PSEN1: variants seen among roughly 807,000 people sequenced by gnomAD.
PSEN1 encodes presenilin 1.
In PSEN1, 15 loss-of-function variants were observed where a neutral mutation model predicts 53.5. The observed-to-expected ratio is 0.28, with a 90% CI of 0.19 to 0.43. The LOEUF is 0.43. Ranked by LOEUF, PSEN1 falls within the 20% of genes least tolerant of loss-of-function variation. The pLI is 1.00. For synonymous variants in PSEN1, 208 were observed against 209.8 expected (o/e 0.99, Z 0.08); for missense variants, 387 against 571.2 (o/e 0.68, Z 3.29).
chr14:73,151,809 T>A (rs1897231691), intron 3 of PSEN1, among the ~76,000 whole-genome samples: 2 of 148,774 alleles, frequency 1.3e-5, no homozygotes, highest in Admixed American at 6.8e-5. Flanking sequence ...GCTCAAGTGA[T>A]CCACATGTCT....
chr14:73,184,875 C>A (rs1256029039), intron 5 of PSEN1, among the ~76,000 whole-genome samples: 1 of 151,176 alleles, frequency 6.6e-6, no homozygotes, highest in Non-Finnish European at 1.5e-5. Context: ...CGGAGGGGCT[C>A]CTCACTTCTC....
chr14:73,213,884 A>G lies in PSEN1; in HGVS notation c.1129+1942A>G, dbSNP rs139953121. On this transcript the variant is annotated intron_variant, in intron 10 of 11. Transcript: ENST00000324501. ...TGCGAAGAAACTGGAATCCTCATAC[A>G]CTGCTGGTGGGAATGTAAAATAGTA... 2.3e-4 allele frequency among the ~76,000 whole-genome samples: 35 copies of G among 152,350 alleles called. 1 individual carries two copies. The highest frequency in any genetic ancestry group is 7.5e-4 in the African/African-American group (31 of 41,590).
At chr14:73,197,479 C>G (rs1899002625) in intron 7 of PSEN1, among the ~76,000 whole-genome samples, 1 of 152,174 alleles carries the variant, frequency 6.6e-6, no homozygotes, top group Non-Finnish European at 1.5e-5. Context: ...TTACTGCCCT[C>G]TTACTTCAAG....
chr14:73,157,900 T>A (rs747429980), intron 3 of PSEN1, among the ~76,000 whole-genome samples: 4 of 151,962 alleles, frequency 2.6e-5, no homozygotes, highest in Non-Finnish European at 5.9e-5. Context: ...ACATGAGGAT[T>A]GCTTGAACCC....
intron 5 of PSEN1, among the ~76,000 whole-genome samples, chr14:73,182,603 G>A (rs1898255176): frequency 6.6e-6 from 1 of 152,134 alleles, no homozygotes; most frequent in Non-Finnish European, 1.5e-5. Context: ...CAGCACTGTG[G>A]GAGGCTAAGG....
intron 10 of PSEN1, among the ~76,000 whole-genome samples, chr14:73,212,476 G>T (rs1464428502): frequency 1.3e-5 from 2 of 152,132 alleles, no homozygotes; most frequent in Admixed American, 6.6e-5. Context: ...TAAAGTAAAA[G>T]ATTTGTTTTT....
chr14:73,212,358 C>G (rs1199557082), intron 10 of PSEN1, among the ~76,000 whole-genome samples: 5 of 151,976 alleles, frequency 3.3e-5, no homozygotes, highest in African/African-American at 1.2e-4. Flanking sequence ...ATCTGCCTGC[C>G]TTAGCCTCCC....
chr14:73,148,136 G>A, intron 3 of PSEN1, 30 bp downstream of exon 3: 2 of 1,546,794 alleles, frequency 1.3e-6, no homozygotes, highest in Non-Finnish European at 8.9e-7. Context: ...AACTGCCTTT[G>A]CCAGACTGGA....
chr14:73,146,889 A>G (rs1431021565), intron 1 of PSEN1, among the ~76,000 whole-genome samples: 5 of 152,184 alleles, frequency 3.3e-5, no homozygotes, highest in Non-Finnish European at 7.3e-5. Flanking sequence ...AGTTGAAATC[A>G]TAAAGAATTG....
intron 3 of PSEN1, among the ~76,000 whole-genome samples, chr14:73,161,783 ACACAAGG>A (rs1897545263): frequency 6.6e-6 from 1 of 152,124 alleles, no homozygotes; most frequent in South Asian, 2.1e-4. Flanking sequence ...ATACTGTGTG[ACACAAGG>A]CCCTCACCGT....
At chr14:73,205,248 G>A (rs931196844) in intron 8 of PSEN1, among the ~76,000 whole-genome samples, 8 of 151,994 alleles carry the variant, frequency 5.3e-5, no homozygotes, top group South Asian at 4.1e-4. Flanking sequence ...AGGCTGAGGC[G>A]GGCGGATCAC....
chr14:73,206,177 G>A (rs750201190), intron 8 of PSEN1: 31 of 576,464 alleles, frequency 5.4e-5, no homozygotes, highest in Non-Finnish European at 8.4e-5. Context: ...TGCAGTTTGA[G>A]TACTACAGTA....
rs1897958324 is a variant in PSEN1, at chr14:73,173,649, G to T, written c.422G>T (p.Ser141Ile). The change falls in exon 5 of 12, where the codon AGT becomes ATT. Residue 141 changes from serine to isoleucine, a missense_variant. By Grantham distance (142) the Ser-to-Ile change is moderately radical. Coordinates refer to ENST00000324501, the MANE Select transcript of PSEN1 (RefSeq NM_000021.4). ...HSILNAAIMI[S>I]VIVVMTILLV... ...ATTCTGAATGCTGCCATCATGATCA[G>T]TGTCATTGTTGTCATGACTATCCTC... 1.2e-6 allele frequency: 2 copies of T among 1,613,786 alleles called. No individual in the cohort carries two copies. Among genetic ancestry groups the T allele is most frequent in the South Asian group, 1.1e-5 (1 of 91,086 alleles).
At chr14:73,205,677 T>C (rs1268543258) in intron 8 of PSEN1, among the ~76,000 whole-genome samples, 4 of 152,180 alleles carry the variant, frequency 2.6e-5, no homozygotes, top group African/African-American at 9.7e-5. Context: ...TTTTATTAGA[T>C]GTTACCAAAT....
Position 73,202,419 on chromosome 14 carries a change from TATA to T in PSEN1, c.869-3966_869-3964del, listed in dbSNP as rs1899232097. Among the ~76,000 whole-genome samples the T allele has an allele frequency of 4.9e-3, 102 of 20,616 alleles. 1 individual carries two copies. The highest frequency in any genetic ancestry group is 6.7e-3 in the Non-Finnish European group (72 of 10,760). The allele number at this position is 20,616 out of a possible 152,430, so 13.5% of individuals were successfully genotyped here. The stretch of plus-strand genomic sequence containing the variant: ...CTGTTTTAAAATATCTATCACATAC[TATA>T]TATATATATATATATATATATATAT... On this transcript the variant is annotated intron_variant, in intron 8 of 11. Coordinates refer to ENST00000324501, the MANE Select transcript of PSEN1 (RefSeq NM_000021.4).
intron 11 of PSEN1, among the ~76,000 whole-genome samples, chr14:73,218,318 C>G (rs1900006903): frequency 6.6e-6 from 1 of 151,962 alleles, no homozygotes; most frequent in African/African-American, 2.4e-5. Flanking sequence ...AACTTCTGAC[C>G]TCAACTGATC....
intron 6 of PSEN1, 103 bp from the exon 7 acceptor site, chr14:73,192,541 T>G (rs1283484791): frequency 2.5e-6 from 2 of 804,552 alleles, no homozygotes; most frequent in Admixed American, 1.9e-5. Flanking sequence ...ATTATAAAGG[T>G]GGGATATTAA....
chr14:73,158,321 TATCTATCTATC>T (rs1253185317), intron 3 of PSEN1, among the ~76,000 whole-genome samples: 2 of 151,786 alleles, frequency 1.3e-5, no homozygotes, highest in African/African-American at 4.8e-5. Flanking sequence ...TCTATCTATC[TATCTATCTATC>T]TATTTTTAAG....
chr14:73,197,074 A>G (rs1330517883), intron 7 of PSEN1, among the ~76,000 whole-genome samples: 1 of 151,926 alleles, frequency 6.6e-6, no homozygotes, highest in East Asian at 1.9e-4. Flanking sequence ...CTGGGACTAC[A>G]GGCACGCGCC....
Sources: gnomAD v4.1 joint callset for allele counts (sites outside exome capture counted in the v4.1 genomes callset) on GRCh38, gnomAD v4.1.1 for gene constraint, MANE v1.5 for transcripts, NCBI Gene and HGNC (gene_info 2026-07-23, HGNC 2026-07-21) for gene names.